The following ATP5MC3 variants were observed in gnomAD, a reference collection of about 807,000 sequenced individuals.
ATP5MC3 encodes the protein ATP synthase F(0) complex subunit C3, mitochondrial.
Under a neutral mutation model 15.6 loss-of-function variants are expected in ATP5MC3, and 6 were observed. The observed-to-expected ratio is 0.38, with a 90% confidence interval of 0.21 to 0.76. The LOEUF is 0.76. Among genes scored for constraint, ATP5MC3 ranks in the 30% least tolerant of loss-of-function variants. The probability of loss-of-function intolerance (pLI) is 0.44; values close to 1 mark genes in which losing one functional copy is unlikely to be tolerated. For synonymous variants in ATP5MC3, 66 were observed against 63.3 expected, an observed-to-expected ratio of 1.04 and a Z score of -0.20; for missense variants, 132 against 171.2, an observed-to-expected ratio of 0.77 and a Z score of 1.28.
In ATP5MC3 at chr2:175,179,237, A is replaced by G; in HGVS notation, c.134T>C (p.Phe45Ser). The G allele has an allele frequency of 8.1e-6, 13 of 1,613,514 alleles. 1 individual carries two copies. In the South Asian group the frequency reaches 1.3e-4, roughly 16 times the overall value. Residue 45 changes from phenylalanine (F) to serine (S), a missense_variant, in exon 4 of 5, where the codon TTT becomes TCT. Phe to Ser is a radical substitution (Grantham distance 155). This residue lies in a region of ATP5MC3 where 90 missense variants were observed against 86.2 expected (regional missense o/e 1.04). Transcript: ENST00000284727. ...ASRTGEGSTV[F>S]NGAQNGVSQL... The stretch of plus-strand genomic sequence containing the variant: ...AGACACACCATTCTGGGCCCCATTA[A>G]ATACCGTAGAGCCCTGGAAAACAGA...
In ATP5MC3 at chr2:175,181,437, G is replaced by A. The variant is rs1700770439; in HGVS notation, c.-44C>T. 1.9e-6 allele frequency: 3 copies of A among 1,610,494 alleles called. No individual in the cohort carries two copies. Among genetic ancestry groups the A allele is most frequent in the African/African-American group, 2.7e-5 (2 of 74,858 alleles). On this transcript the variant is annotated 5_prime_UTR_variant, in exon 2 of 5. Coordinates refer to ENST00000284727, the MANE Select transcript of ATP5MC3 (RefSeq NM_001689.5). ...GCGCGGCTGGAGATATTGGGTGACAGGCGACGTGGGCTCCTCTCCCGCTTC... is the reference window on the plus strand; with the variant it reads ...GCGCGGCTGGAGATATTGGGTGACAAGCGACGTGGGCTCCTCTCCCGCTTC...
intron 2 of ATP5MC3, 85 bp from the exon 3 acceptor site, chr2:175,180,263 T>TA: frequency 9.7e-7 from 1 of 1,032,312 alleles, no homozygotes; most frequent in Non-Finnish European, 1.3e-6. Flanking sequence ...CCATGAATTC[T>TA]AAAAAAGCAA....
chr2:175,180,013 T>C, intron 3 of ATP5MC3, 85 bp downstream of exon 3: 1 of 1,169,906 alleles, frequency 8.5e-7, no homozygotes, highest in Non-Finnish European at 1.2e-6. Flanking sequence ...CAAACTCTTA[T>C]TAATAAAGTT....
At chr2:175,178,588 G>A (rs1700722663) in intron 4 of ATP5MC3, 186 bp from the exon 5 acceptor site, 1 of 1,321,198 alleles carries the variant, frequency 7.6e-7, no homozygotes, top group Non-Finnish European at 9.7e-7. Context: ...AAGGTAGGGA[G>A]CTGTCTGTCA....
chr2:175,180,329 T>C, intron 2 of ATP5MC3, 151 bp from the exon 3 acceptor site: 1 of 524,184 alleles, frequency 1.9e-6, no homozygotes, highest in South Asian at 3.7e-5. Context: ...TGGTCATTTT[T>C]AATACATAAG....
At chr2:175,180,049 C>T (rs1700745651) in intron 3 of ATP5MC3, 49 bp downstream of exon 3, 2 of 1,435,918 alleles carry the variant, frequency 1.4e-6, no homozygotes, top group Non-Finnish European at 1.9e-6. Flanking sequence ...AATCAAAACC[C>T]TACCCTTATT....
At position 175,178,420 on chromosome 2, in the gene ATP5MC3, T is replaced by C. The variant is rs372858991; in HGVS notation, c.315-18A>G. 4.7e-4 allele frequency: 734 copies of C among 1,576,888 alleles called. No homozygotes were observed. Among genetic ancestry groups the C allele is most frequent in the Middle Eastern group, 1.7e-3 (10 of 5,870 alleles). On this transcript the variant is annotated intron_variant, in intron 4 of 4. Coordinates refer to ENST00000284727, the MANE Select transcript of ATP5MC3 (RefSeq NM_001689.5). ...AAGGGTTTCTAAAAGAGACCACATA[T>C]GACTGTTACTTTGAAATATTAATTT...
intron 2 of ATP5MC3, 150 bp downstream of exon 2, chr2:175,181,205 A>G (rs1326924950): frequency 1.0e-6 from 1 of 989,544 alleles, no homozygotes; most frequent in African/African-American, 1.7e-5. Context: ...TAAGATTAGG[A>G]AGAAAACGGC....
chr2:175,178,717 T>A, intron 4 of ATP5MC3: 8 of 1,163,286 alleles, frequency 6.9e-6, no homozygotes, highest in Non-Finnish European at 8.5e-6. Context: ...AAATTGATCC[T>A]TTTAAGGAAT....
intron 4 of ATP5MC3, 131 bp from the exon 5 acceptor site, chr2:175,178,533 G>C (rs1700722080): frequency 2.0e-5 from 28 of 1,432,342 alleles, no homozygotes; most frequent in Non-Finnish European, 2.6e-5. Flanking sequence ...TATTTGCCTA[G>C]ATCTCTCTTA....
rs1700746588 is a variant in ATP5MC3, at chr2:175,180,098, C to T, written c.120G>A (p.Glu40=). 6.3e-7 allele frequency: 1 copy of T among 1,590,722 alleles called. No homozygotes were observed. The highest frequency in any genetic ancestry group is 8.5e-7 in the Non-Finnish European group (1 of 1,172,914). Reference sequence around the variant, plus strand: ...TAATTTCAATTATTGCTACTATTACCTCTCCAGTCCTACTAGCCTCTGGTC... The same window carrying T: ...TAATTTCAATTATTGCTACTATTACTTCTCCAGTCCTACTAGCCTCTGGTC... The part of the protein sequence containing the change: ...LSRPEASRTG[E]GSTVFNGAQN... The change falls in exon 3 of 5, where the codon GAG becomes GAA. Residue 40 remains glutamate (E), a splice_region_variant and synonymous_variant. Coordinates refer to ENST00000284727, the MANE Select transcript of ATP5MC3 (RefSeq NM_001689.5).
Position 175,179,244 on chromosome 2 carries a change from T to C in ATP5MC3, c.127A>G (p.Thr43Ala), listed in dbSNP as rs1033555175. Reference protein sequence around the residue: ...PEASRTGEGSTVFNGAQNGVS... With the variant: ...PEASRTGEGSAVFNGAQNGVS... ...CCATTCTGGGCCCCATTAAATACCGTAGAGCCCTGGAAAACAGAAAATAAA... is the reference window on the plus strand; with the variant it reads ...CCATTCTGGGCCCCATTAAATACCGCAGAGCCCTGGAAAACAGAAAATAAA... The change falls in exon 4 of 5, where the codon ACG (threonine) becomes GCG (alanine). Residue 43 changes from threonine to alanine, a missense_variant. Around this residue, in one of 2 missense-constraint regions of ATP5MC3, gnomAD observed 90 missense variants for 86.2 expected, o/e 1.04. Transcript: ENST00000284727. The C allele has an allele frequency of 3.1e-6, 5 of 1,607,544 alleles. No homozygotes were observed. The highest frequency in any genetic ancestry group is 2.7e-5 in the African/African-American group (2 of 74,798).
rs1062643 is a variant in ATP5MC3, at chr2:175,178,276, A to G, written c.*12T>C. 2.5e-6 allele frequency: 4 copies of G among 1,602,702 alleles called. No individual in the cohort carries two copies. The highest frequency in any genetic ancestry group is 2.7e-5 in the African/African-American group (2 of 74,028). The stretch of plus-strand genomic sequence containing the variant: ...AATTAATATGAATGCCAACATGTCA[A>G]GCAGTAATTTGTTACATGGCAAACA... On this transcript the variant is annotated 3_prime_UTR_variant, in exon 5 of 5. Transcript: ENST00000284727.
At chr2:175,181,271 G>A (rs1455384518) in intron 2 of ATP5MC3, 84 bp downstream of exon 2, 2 of 1,506,144 alleles carry the variant, frequency 1.3e-6, no homozygotes, top group African/African-American at 2.8e-5. Context: ...TGCCCCGCCC[G>A]AAGGTTGCCC....
chr2:175,180,244 T>C, intron 2 of ATP5MC3, 66 bp from the exon 3 acceptor site: 2 of 1,225,104 alleles, frequency 1.6e-6, no homozygotes, highest in Non-Finnish European at 2.2e-6. Flanking sequence ...TTCAATGACT[T>C]TTCTGGTACC....
chr2:175,181,516 T>G, intron 1 of ATP5MC3, 50 bp from the exon 2 acceptor site: 1 of 1,250,820 alleles, frequency 8.0e-7, no homozygotes, highest in Non-Finnish European at 1.1e-6. Context: ...GGGCCTGTTC[T>G]TCCCACCCAG....
At chr2:175,181,579 C>G in intron 1 of ATP5MC3, 77 bp downstream of exon 1, 1 of 674,326 alleles carries the variant, frequency 1.5e-6, no homozygotes, top group African/African-American at 1.8e-5. Context: ...CCCAGTGAGG[C>G]GCCGGCACAA....
intron 2 of ATP5MC3, among the ~76,000 whole-genome samples, chr2:175,180,965 C>T (rs947392587): frequency 6.6e-6 from 1 of 152,216 alleles, no homozygotes. Context: ...TACAGACAGG[C>T]ACTGGAAAGC....
At position 175,180,112 on chromosome 2, in the gene ATP5MC3, T is replaced by C; in HGVS notation, c.106A>G (p.Ser36Gly). ...GCTACTATTACCTCTCCAGTCCTACTAGCCTCTGGTCGAGATAACACTGAT... is the reference window on the plus strand; with the variant it reads ...GCTACTATTACCTCTCCAGTCCTACCAGCCTCTGGTCGAGATAACACTGAT... ...SASVLSRPEA[S>G]RTGEGSTVFN... Residue 36 changes from serine (S) to glycine (G), a missense_variant, in exon 3 of 5, where the codon AGT (serine) becomes GGT (glycine). By Grantham distance (56) the Ser-to-Gly change is moderately conservative (BLOSUM62 0). Around this residue, in one of 2 missense-constraint regions of ATP5MC3, gnomAD observed 90 missense variants for 86.2 expected, o/e 1.04. Coordinates refer to ENST00000284727, the MANE Select transcript of ATP5MC3 (RefSeq NM_001689.5). 6.2e-7 allele frequency: 1 copy of C among 1,602,820 alleles called. No homozygotes were observed. The highest frequency in any genetic ancestry group is 8.5e-7 in the Non-Finnish European group (1 of 1,177,352).
Sources: allele counts gnomAD v4.1 joint callset (sites outside exome capture counted in the v4.1 genomes callset), GRCh38; gene constraint gnomAD v4.1.1; regional missense constraint gnomAD v4.1.1; transcripts MANE v1.5; gene names NCBI Gene and HGNC (gene_info 2026-07-23, HGNC 2026-07-21).